SLC30A10: variants seen among roughly 807,000 people sequenced by gnomAD.
SLC30A10 encodes the protein solute carrier family 30 member 10.
In SLC30A10, 8 loss-of-function variants were observed where a neutral mutation model predicts 21.7. That is an observed-to-expected ratio of 0.37 (90% CI 0.22 to 0.67). SLC30A10 has a LOEUF of 0.67. Ranked by LOEUF, SLC30A10 falls within the 30% of genes least tolerant of loss-of-function variation. The probability of loss-of-function intolerance (pLI) is 0.58; values close to 1 mark genes in which losing one functional copy is unlikely to be tolerated. For synonymous variants in SLC30A10, 272 were observed against 279.4 expected (o/e 0.97, Z 0.26); for missense variants, 521 against 642.5 (o/e 0.81, Z 2.04).
At chr1:219,954,015 ATTTAC>A (rs1485610860) in intron 1 of SLC30A10, among the ~76,000 whole-genome samples, 2 of 151,742 alleles carry the variant, frequency 1.3e-5, no homozygotes, top group Non-Finnish European at 2.9e-5. Context: ...CTCAAATTTT[ATTTAC>A]TCCATAGTAT....
chr1:219,937,663 A>G (rs1660064136), intron 1 of SLC30A10, among the ~76,000 whole-genome samples: 1 of 152,212 alleles, frequency 6.6e-6, no homozygotes, highest in Admixed American at 6.5e-5. Flanking sequence ...AAAATACAAA[A>G]ATTAGTCAGG....
chr1:219,935,133 A>G (rs1330552098), intron 1 of SLC30A10, among the ~76,000 whole-genome samples: 1 of 152,230 alleles, frequency 6.6e-6, no homozygotes, highest in African/African-American at 2.4e-5. Context: ...TTCCAATTCA[A>G]ATGGAAGCAA....
rs539587006 is a variant in SLC30A10, at chr1:219,912,867, T to C, written c.*2582A>G. On this transcript the variant is annotated 3_prime_UTR_variant, in exon 4 of 4. Transcript: ENST00000366926. ...AAACAAACAAACCAAAAAAAAATTATGTCAGTTCTTTAAAAAAAGGCGGGG... is the reference window on the plus strand; with the variant it reads ...AAACAAACAAACCAAAAAAAAATTACGTCAGTTCTTTAAAAAAAGGCGGGG... Among the ~76,000 whole-genome samples the C allele has an allele frequency of 6.6e-6, 1 of 151,370 alleles. No individual in the cohort carries two copies. Among genetic ancestry groups the C allele is most frequent in the Admixed American group, 6.6e-5 (1 of 15,196 alleles).
chr1:219,954,285 C>T (rs556623532), intron 1 of SLC30A10, among the ~76,000 whole-genome samples: 16 of 152,006 alleles, frequency 1.1e-4, no homozygotes, highest in Non-Finnish European at 2.2e-4. Context: ...GGATGCTGTG[C>T]TGTCACTGCC....
chr1:219,950,343 C>G (rs2102546541), intron 1 of SLC30A10, among the ~76,000 whole-genome samples: 1 of 152,228 alleles, frequency 6.6e-6, no homozygotes, highest in East Asian at 1.9e-4. Context: ...TTTACAAGAG[C>G]CTTCTTAAAA....
intron 2 of SLC30A10, among the ~76,000 whole-genome samples, chr1:219,925,884 C>G (rs928061264): frequency 1.3e-5 from 2 of 151,518 alleles, no homozygotes; most frequent in African/African-American, 4.8e-5. Context: ...TGGTCTCAAA[C>G]TCCCGACCTC....
chr1:219,921,411 G>A (rs895688338), intron 2 of SLC30A10, among the ~76,000 whole-genome samples: 1 of 152,132 alleles, frequency 6.6e-6, no homozygotes, highest in African/African-American at 2.4e-5. Flanking sequence ...TGGGTGGTCT[G>A]ACCAGAGATC....
Position 219,953,453 on chromosome 1 carries a change from G to A in SLC30A10, n.80+5115C>T, listed in dbSNP as rs572778779. Among the ~76,000 whole-genome samples the A allele has an allele frequency of 1.8e-3, 277 of 151,668 alleles. 2 individuals are homozygous for A. Among genetic ancestry groups the A allele is most frequent in the African/African-American group, 6.5e-3 (268 of 41,412 alleles). ...CTACTAAAAATACAAAAAATTAGCCGGGTGTGGTGGCACAAGCCTGTAATC... is the reference window on the plus strand; with the variant it reads ...CTACTAAAAATACAAAAAATTAGCCAGGTGTGGTGGCACAAGCCTGTAATC... On this transcript the variant is annotated intron_variant and non_coding_transcript_variant, in intron 1 of 8. Coordinates refer to the SLC30A10 transcript ENST00000484239.
intron 2 of SLC30A10, among the ~76,000 whole-genome samples, chr1:219,926,538 C>T (rs944621699): frequency 3.3e-5 from 5 of 152,176 alleles, no homozygotes. Flanking sequence ...CCAGAACACT[C>T]CCTTTGGTCC....
At position 219,913,254 on chromosome 1, in the gene SLC30A10, C is replaced by T. The variant is rs1460298477; in HGVS notation, c.*2195G>A. ...TTAAAAAGGTATTACTTCATATTGACTCCAGGCCATAATCTGGTATAACTG... is the reference window on the plus strand; with the variant it reads ...TTAAAAAGGTATTACTTCATATTGATTCCAGGCCATAATCTGGTATAACTG... On this transcript the variant is annotated 3_prime_UTR_variant, in exon 4 of 4. Transcript: ENST00000366926. Among the ~76,000 whole-genome samples the T allele has an allele frequency of 6.6e-6, 1 of 152,234 alleles. No homozygotes were observed. Among genetic ancestry groups the T allele is most frequent in the Non-Finnish European group, 1.5e-5 (1 of 68,046 alleles).
chr1:219,932,257 C>T (rs556945699), upstream of SLC30A10, among the ~76,000 whole-genome samples: 63 of 151,994 alleles, frequency 4.1e-4, no homozygotes, highest in South Asian at 1.5e-3. Context: ...GGAGATGGGG[C>T]GTGAGCCACT....
At chr1:219,945,832 C>T (rs952666060) in intron 1 of SLC30A10, among the ~76,000 whole-genome samples, 3 of 152,152 alleles carry the variant, frequency 2.0e-5, no homozygotes, top group Non-Finnish European at 2.9e-5. Flanking sequence ...AGGTGGAGAA[C>T]ATGAAAGTCT....
At chr1:219,931,439 A>ACC (rs1003682525), upstream of SLC30A10, among the ~76,000 whole-genome samples, 5 of 151,634 alleles carry the variant, frequency 3.3e-5, no homozygotes, top group African/African-American at 1.2e-4. Flanking sequence ...ACACACACAC[A>ACC]CACAGTATAT....
At chr1:219,916,574 C>T (rs1277363792) in intron 3 of SLC30A10, among the ~76,000 whole-genome samples, 1 of 152,036 alleles carries the variant, frequency 6.6e-6, no homozygotes, top group Non-Finnish European at 1.5e-5. Context: ...CTTTTTACAC[C>T]GCATATAGAA....
At position 219,927,083 on chromosome 1, in the gene SLC30A10, A is replaced by G. The variant is rs1272806263; in HGVS notation, c.663T>C (p.Asn221=). The change falls in exon 2 of 4, where the codon AAT becomes AAC. Residue 221 remains asparagine (N), a synonymous_variant. Transcript: ENST00000366926. Reference sequence around the variant, plus strand: ...CTTTTTTCATCATGTCTTCTGGCTCATTCTGGGTGTTGAAGGAATCACCTG... The same window carrying G: ...CTTTTTTCATCATGTCTTCTGGCTCGTTCTGGGTGTTGAAGGAATCACCTG... The part of the protein sequence containing the change: ...NVAGDSFNTQ[N]EPEDMMKKEK... 2 of 1,613,978 alleles carry G rather than the reference A, an allele frequency of 1.2e-6. No individual in the cohort carries two copies. Among genetic ancestry groups the G allele is most frequent in the East Asian group, 2.2e-5 (1 of 44,886 alleles).
At chr1:219,956,169 T>A (rs987328894) in intron 1 of SLC30A10, among the ~76,000 whole-genome samples, 2 of 152,162 alleles carry the variant, frequency 1.3e-5, no homozygotes, top group Non-Finnish European at 2.9e-5. Flanking sequence ...TCTTTTCTTT[T>A]TCTTTTTTCT....
intron 1 of SLC30A10, among the ~76,000 whole-genome samples, chr1:219,938,289 T>C (rs746518228): frequency 3.3e-5 from 5 of 152,154 alleles, no homozygotes; most frequent in Non-Finnish European, 7.3e-5. Context: ...TGATTTGTGT[T>C]AGGGGAACAC....
chr1:219,938,553 C>G (rs1352418717), intron 1 of SLC30A10, among the ~76,000 whole-genome samples: 1 of 152,142 alleles, frequency 6.6e-6, no homozygotes, highest in Non-Finnish European at 1.5e-5. Flanking sequence ...TGGAGGGAGG[C>G]CTGGGACTGG....
At chr1:219,942,914 A>G (rs1439488557) in intron 1 of SLC30A10, among the ~76,000 whole-genome samples, 1 of 152,104 alleles carries the variant, frequency 6.6e-6, no homozygotes, top group East Asian at 1.9e-4. Flanking sequence ...GCATGGTGGC[A>G]AGGGCCTGTA....
Sources: allele counts gnomAD v4.1 joint callset (sites outside exome capture counted in the v4.1 genomes callset), GRCh38; gene constraint gnomAD v4.1.1; transcripts MANE v1.5; gene names NCBI Gene and HGNC (gene_info 2026-07-23, HGNC 2026-07-21).